NALCN: variants seen among roughly 807,000 people sequenced by gnomAD.
The protein encoded by NALCN is sodium leak channel NALCN.
A neutral mutation model predicts 225.3 loss-of-function variants in NALCN; 111 were observed. That is an observed-to-expected ratio of 0.49 (90% CI 0.42 to 0.58). NALCN has a LOEUF of 0.58. Among genes scored for constraint, NALCN ranks in the 20% least tolerant of loss-of-function variants. The pLI, the probability that NALCN is intolerant of heterozygous loss-of-function variation, is 0.00. For missense variants in NALCN, 1,378 were observed against 2,202.4 expected, an observed-to-expected ratio of 0.63 and a Z score of 7.49; for synonymous variants, 764 against 769.0, an observed-to-expected ratio of 0.99 and a Z score of 0.11.
At chr13:101,279,873 AAAT>A (rs2043108613) in intron 10 of NALCN, among the ~76,000 whole-genome samples, 1 of 150,046 alleles carries the variant, frequency 6.7e-6, no homozygotes, top group African/African-American at 2.4e-5. Context: ...ATAAATAAAT[AAAT>A]AAAAAGAAGT....
chr13:101,247,360 C>T (rs1423366185), intron 11 of NALCN, among the ~76,000 whole-genome samples: 3 of 152,272 alleles, frequency 2.0e-5, no homozygotes, highest in African/African-American at 7.2e-5. Flanking sequence ...GGCTAGCATT[C>T]TCCAAATGAC....
At chr13:101,288,321 C>A (rs2043417730) in intron 9 of NALCN, among the ~76,000 whole-genome samples, 1 of 152,178 alleles carries the variant, frequency 6.6e-6, no homozygotes, top group African/African-American at 2.4e-5. Flanking sequence ...AATAAATGGT[C>A]TTGGAACACA....
chr13:101,416,260 G>C (rs183471571), intron 1 of NALCN, 53 bp downstream of exon 1: 2,953 of 152,250 alleles, frequency 0.019, 50 homozygotes, highest in South Asian at 0.046. Flanking sequence ...TCGGGCGCAG[G>C]GCACGGAGCC....
intron 9 of NALCN, 74 bp from the exon 10 acceptor site, chr13:101,284,093 G>A (rs2043258560): frequency 1.6e-6 from 2 of 1,280,228 alleles, no homozygotes; most frequent in Non-Finnish European, 2.2e-6. Context: ...CTCCAGCTTT[G>A]TATATTTTTA....
At chr13:101,336,663 C>T (rs1024875850) in intron 7 of NALCN, among the ~76,000 whole-genome samples, 6 of 151,904 alleles carry the variant, frequency 3.9e-5, no homozygotes, top group Non-Finnish European at 2.9e-5. Context: ...ATAATTTTTT[C>T]GTAAAGAAAA....
At chr13:101,352,826 T>G (rs1050551840) in intron 6 of NALCN, among the ~76,000 whole-genome samples, 1 of 152,240 alleles carries the variant, frequency 6.6e-6, no homozygotes, top group Non-Finnish European at 1.5e-5. Context: ...TTATTACCTT[T>G]TTTTGTTAAA....
chr13:101,241,340 G>T (rs1019521224), intron 11 of NALCN, among the ~76,000 whole-genome samples: 4 of 152,288 alleles, frequency 2.6e-5, no homozygotes, highest in African/African-American at 7.2e-5. Context: ...TCAACTTTTG[G>T]CTGCTGTTTC....
At chr13:101,262,992 G>C (rs922440294) in intron 10 of NALCN, among the ~76,000 whole-genome samples, 10 of 152,134 alleles carry the variant, frequency 6.6e-5, no homozygotes. Context: ...GCAATTTTGT[G>C]AATCAAGCAT....
Position 101,062,013 on chromosome 13 carries a change from C to T in NALCN, c.4710G>A (p.Gln1570=), listed in dbSNP as rs755636094. 9 of 1,614,018 alleles carry T rather than the reference C, an allele frequency of 5.6e-6. No individual in the cohort carries two copies. In the South Asian group the frequency reaches 9.9e-5, roughly 18 times the overall value. ...ACTTCTTGAGCCACATGCGGATGGTCTGCTTGGCCACCTCCTCCTCTATGG... is the reference window on the plus strand; with the variant it reads ...ACTTCTTGAGCCACATGCGGATGGTTTGCTTGGCCACCTCCTCCTCTATGG... ...EYTIEEEVAK[Q]TIRMWLKKCL... is the part of the protein sequence containing the mutation. Residue 1570 remains glutamine, a synonymous_variant, in exon 41 of 44, where the codon CAG becomes CAA. Coordinates refer to ENST00000251127, the MANE Select transcript of NALCN (RefSeq NM_052867.4).
chr13:101,213,395 T>C (rs1182426844), intron 13 of NALCN, among the ~76,000 whole-genome samples: 1 of 152,166 alleles, frequency 6.6e-6, no homozygotes, highest in Admixed American at 6.6e-5. Context: ...GGGCAAGGAC[T>C]TCATGAGTAA....
intron 14 of NALCN, among the ~76,000 whole-genome samples, chr13:101,183,991 C>T (rs2039349513): frequency 6.6e-6 from 1 of 152,064 alleles, no homozygotes; most frequent in Non-Finnish European, 1.5e-5. Flanking sequence ...AGGTCTATAG[C>T]GTTTGATCAT....
At chr13:101,176,600 C>A (rs920526115) in intron 14 of NALCN, among the ~76,000 whole-genome samples, 4 of 152,014 alleles carry the variant, frequency 2.6e-5, no homozygotes, top group African/African-American at 9.7e-5. Context: ...TTTATGAAAC[C>A]AACTTACTTA....
intron 15 of NALCN, among the ~76,000 whole-genome samples, chr13:101,151,663 G>C (rs1039168782): frequency 4.6e-5 from 7 of 152,142 alleles, no homozygotes; most frequent in African/African-American, 1.7e-4. Flanking sequence ...TATTTTTTCT[G>C]TATCTATATA....
In NALCN at chr13:101,080,661, C is replaced by T. The variant is rs375000299; in HGVS notation, c.3885+866G>A. On this transcript the variant is annotated intron_variant, in intron 34 of 43. Transcript: ENST00000251127. ...AAATATATTAATATATAATATATAA[C>T]TATATAAATAATAAAAATATATACA... Among the ~76,000 whole-genome samples, 44 of 144,288 alleles carry T rather than the reference C, an allele frequency of 3.0e-4. No homozygotes were observed. In the East Asian group the frequency reaches 6.9e-3, roughly 23 times the overall value. The allele number at this position is 144,288 out of a possible 152,430, so 94.7% of individuals were successfully genotyped here.
intron 7 of NALCN, among the ~76,000 whole-genome samples, chr13:101,338,218 G>C (rs2045445247): frequency 1.3e-5 from 2 of 152,166 alleles, no homozygotes; most frequent in South Asian, 4.1e-4. Flanking sequence ...AGTGTTAAGG[G>C]CATATGTTGT....
chr13:101,361,348 G>A (rs1259670435), intron 6 of NALCN, among the ~76,000 whole-genome samples: 3 of 152,122 alleles, frequency 2.0e-5, no homozygotes, highest in African/African-American at 7.2e-5. Flanking sequence ...CACTCACAGA[G>A]GATGTTCAGA....
chr13:101,234,040 CTTCA>C (rs993328568), intron 12 of NALCN, among the ~76,000 whole-genome samples: 72 of 152,274 alleles, frequency 4.7e-4, no homozygotes, highest in African/African-American at 1.7e-3. Flanking sequence ...TGCTCCTTCA[CTTCA>C]TTCAGTCTCT....
At chr13:101,211,390 A>T (rs1300812752) in intron 13 of NALCN, among the ~76,000 whole-genome samples, 1 of 152,096 alleles carries the variant, frequency 6.6e-6, no homozygotes, top group Non-Finnish European at 1.5e-5. Flanking sequence ...GAAAGTCATA[A>T]TTCTGATCAT....
intron 13 of NALCN, among the ~76,000 whole-genome samples, chr13:101,209,455 G>A (rs1181977226): frequency 6.6e-6 from 1 of 152,090 alleles, no homozygotes; most frequent in African/African-American, 2.4e-5. Flanking sequence ...CTCATGATGA[G>A]CCTTTTAGGT....
Sources: allele counts gnomAD v4.1 joint callset (sites outside exome capture counted in the v4.1 genomes callset), GRCh38; gene constraint gnomAD v4.1.1; transcripts MANE v1.5; gene names NCBI Gene and HGNC (gene_info 2026-07-23, HGNC 2026-07-21).